The following CDO1 variants were observed in gnomAD, a reference collection of about 807,000 sequenced individuals.
CDO1 encodes the protein cysteine dioxygenase type 1, also known as cysteine dioxygenase, type I.
CDO1 carries 19 observed loss-of-function variants against 24.5 expected under a neutral mutation model. The ratio of observed to expected loss-of-function variants is 0.77; its 90% confidence interval spans 0.54 to 1.14. CDO1 has a LOEUF of 1.14. Ranked by LOEUF, CDO1 falls within the 50% of genes most tolerant of loss-of-function variation. The pLI is 0.00. For missense variants in CDO1, 244 were observed against 244.8 expected (o/e 1.00, Z 0.02); for synonymous variants, 91 against 87.0 (o/e 1.05, Z -0.26).
At chr5:115,812,430 A>G (rs1319203942) in intron 2 of CDO1, among the ~76,000 whole-genome samples, 1 of 152,246 alleles carries the variant, frequency 6.6e-6, no homozygotes, top group Non-Finnish European at 1.5e-5. Flanking sequence ...TTTTCAGTAA[A>G]GAAACTAAAG....
At chr5:115,806,612 T>A in intron 3 of CDO1, 94 bp from the exon 4 acceptor site, 1 of 886,202 alleles carries the variant, frequency 1.1e-6, no homozygotes, top group East Asian at 2.7e-5. Flanking sequence ...ATGAATCAAT[T>A]GTGATGCAAA....
intron 3 of CDO1, among the ~76,000 whole-genome samples, chr5:115,808,756 G>A (rs749629816): frequency 2.0e-5 from 3 of 150,774 alleles, no homozygotes; most frequent in South Asian, 2.1e-4. Context: ...ACAAAAAAAC[G>A]AGATGAAATA....
intron 2 of CDO1, among the ~76,000 whole-genome samples, chr5:115,811,808 C>T (rs1760200624): frequency 6.6e-6 from 1 of 152,112 alleles, no homozygotes; most frequent in South Asian, 2.1e-4. Context: ...CTTTGGGGAG[C>T]TGTGGGAGAG....
At chr5:115,810,713 ATAAC>A (rs1760150853) in intron 3 of CDO1, among the ~76,000 whole-genome samples, 2 of 152,216 alleles carry the variant, frequency 1.3e-5, no homozygotes, top group Non-Finnish European at 2.9e-5. Context: ...TCACTGGCCA[ATAAC>A]GTGCTTTGTA....
At chr5:115,810,797 CTTAA>C (rs898728940) in intron 3 of CDO1, among the ~76,000 whole-genome samples, 2 of 152,176 alleles carry the variant, frequency 1.3e-5, no homozygotes, top group African/African-American at 2.4e-5. Flanking sequence ...AGCTAGCATT[CTTAA>C]TTAGTTACAG....
Position 115,816,536 on chromosome 5 carries a change from G to C in CDO1, c.-139C>G, listed in dbSNP as rs1436867125. On this transcript the variant is annotated 5_prime_UTR_variant, in exon 1 of 5. Coordinates refer to ENST00000250535, the MANE Select transcript of CDO1 (RefSeq NM_001801.3). Reference sequence around the variant, plus strand: ...ACACACACGCACAAACCCAGCATTAGAGTGCCGAAACGTAAGGATGTCGTC... The same window carrying C: ...ACACACACGCACAAACCCAGCATTACAGTGCCGAAACGTAAGGATGTCGTC... The C allele has an allele frequency of 5.4e-6, 5 of 926,946 alleles. No homozygotes were observed. The highest frequency in any genetic ancestry group is 8.2e-6 in the Non-Finnish European group (5 of 606,344). 57.4% of individuals were successfully genotyped at this position (926,946 alleles called of 1,614,324 possible). A position where few individuals can be genotyped will look rare whatever the true frequency, so the allele number is the denominator to read the frequency against.
At chr5:115,816,118 C>A in intron 1 of CDO1, 110 bp downstream of exon 1, 1 of 1,151,436 alleles carries the variant, frequency 8.7e-7, no homozygotes, top group Non-Finnish European at 1.2e-6. Flanking sequence ...GCGGACGCAG[C>A]GCGGCCCGAG....
chr5:115,807,799 T>C (rs1430315572), intron 3 of CDO1, among the ~76,000 whole-genome samples: 1 of 151,930 alleles, frequency 6.6e-6, no homozygotes, highest in African/African-American at 2.4e-5. Context: ...AGGACACGAA[T>C]TCCCAGATTT....
intron 3 of CDO1, among the ~76,000 whole-genome samples, chr5:115,807,984 A>G (rs1422241028): frequency 4.1e-5 from 6 of 147,250 alleles, no homozygotes; most frequent in African/African-American, 1.6e-4. Flanking sequence ...TTTTAAAAAA[A>G]AACAAAAAAA....
At chr5:115,813,300 T>C (rs2112691814) in intron 1 of CDO1, 42 bp from the exon 2 acceptor site, 1 of 1,096,168 alleles carries the variant, frequency 9.1e-7, no homozygotes, top group East Asian at 2.4e-5. Flanking sequence ...AGTTCGTTGC[T>C]GAAACAAGCA....
In CDO1 at chr5:115,816,358, C is replaced by G; in HGVS notation, c.40G>C (p.Asp14His). The G allele has an allele frequency of 1.2e-6, 2 of 1,613,942 alleles. No homozygotes were observed. The highest frequency in any genetic ancestry group is 1.7e-6 in the Non-Finnish European group (2 of 1,180,044). The change falls in exon 1 of 5, where the codon GAT becomes CAT. Residue 14 changes from aspartate (D) to histidine (H), a missense_variant. Physicochemically the swap from Asp to His is moderately conservative, Grantham distance 81. Coordinates refer to ENST00000250535, the MANE Select transcript of CDO1 (RefSeq NM_001801.3). ...AGCTGGTGCAGGATGCGGATCAGAT[C>G]AGCCAGGGTCCGTGGCTTCAGCACT... ...TEVLKPRTLADLIRILHQLFA... is the reference protein window; with the variant it reads ...TEVLKPRTLAHLIRILHQLFA...
At chr5:115,813,402 G>T in intron 1 of CDO1, 144 bp from the exon 2 acceptor site, 1 of 564,898 alleles carries the variant, frequency 1.8e-6, no homozygotes, top group Admixed American at 3.4e-5. Context: ...TTTCTAATTA[G>T]AAATCCAACA....
intron 3 of CDO1, among the ~76,000 whole-genome samples, chr5:115,807,197 C>T (rs567386354): frequency 2.0e-5 from 3 of 152,288 alleles, no homozygotes; most frequent in African/African-American, 7.2e-5. Context: ...TGCTGCCAGA[C>T]AAGATTTTTC....
chr5:115,804,830 G>A lies in CDO1; in HGVS notation c.*603C>T, dbSNP rs1469346092. The A allele has an allele frequency of 6.6e-6, 1 of 152,046 alleles. No individual in the cohort carries two copies. The highest frequency in any genetic ancestry group is 2.1e-4 in the South Asian group (1 of 4,822). 9.4% of individuals were successfully genotyped at this position (152,046 alleles called of 1,614,324 possible). On this transcript the variant is annotated 3_prime_UTR_variant, in exon 5 of 5. Coordinates refer to ENST00000250535, the MANE Select transcript of CDO1 (RefSeq NM_001801.3). ...GACACAGACATGAGTTTATGTTTTGGTTTGTTGTGGTCTGGGGATCATGTA... is the reference window on the plus strand; with the variant it reads ...GACACAGACATGAGTTTATGTTTTGATTTGTTGTGGTCTGGGGATCATGTA...
intron 2 of CDO1, among the ~76,000 whole-genome samples, chr5:115,812,510 G>C (rs1278368130): frequency 2.0e-5 from 3 of 152,104 alleles, no homozygotes; most frequent in Non-Finnish European, 4.4e-5. Flanking sequence ...TCCATCCTTT[G>C]GTCTTTGGTC....
intron 2 of CDO1, among the ~76,000 whole-genome samples, 188 bp from the exon 3 acceptor site, chr5:115,811,503 TATATC>T (rs1760188951): frequency 6.6e-6 from 1 of 152,184 alleles, no homozygotes; most frequent in African/African-American, 2.4e-5. Flanking sequence ...AAAGTAATAA[TATATC>T]ATCTATATCA....
At position 115,813,151 on chromosome 5, in the gene CDO1, T is replaced by C. The variant is rs199529586; in HGVS notation, c.248+30A>G. 4.6e-5 allele frequency: 59 copies of C among 1,288,438 alleles called. 1 individual carries two copies. In the East Asian group the frequency reaches 1.3e-3, roughly 29 times the overall value. 79.8% of individuals were successfully genotyped at this position (1,288,438 alleles called of 1,614,324 possible). A position where few individuals can be genotyped will look rare whatever the true frequency, so the allele number is the denominator to read the frequency against. Reference sequence around the variant, plus strand: ...TCATATGCTAGAAAACATGCTCTAATAAATATCTGTGAATGAATAGTTATT... The same window carrying C: ...TCATATGCTAGAAAACATGCTCTAACAAATATCTGTGAATGAATAGTTATT... On this transcript the variant is annotated intron_variant, in intron 2 of 4. Transcript: ENST00000250535.
chr5:115,806,021 C>G (rs1406435018), intron 4 of CDO1, among the ~76,000 whole-genome samples: 1 of 152,160 alleles, frequency 6.6e-6, no homozygotes, highest in South Asian at 2.1e-4. Flanking sequence ...TGCAACTTAT[C>G]CCTGTTGGCC....
chr5:115,814,985 C>T (rs927059531), intron 1 of CDO1, among the ~76,000 whole-genome samples: 9 of 152,156 alleles, frequency 5.9e-5, no homozygotes, highest in Admixed American at 3.9e-4. Context: ...ATGAACTAAG[C>T]TGATAGGAGC....
Sources: allele counts gnomAD v4.1 joint callset (sites outside exome capture counted in the v4.1 genomes callset), GRCh38; gene constraint gnomAD v4.1.1; transcripts MANE v1.5; gene names NCBI Gene and HGNC (gene_info 2026-07-23, HGNC 2026-07-21).